Variants in ANKRD26 observed in about 807,000 individuals in gnomAD.
ANKRD26 encodes the protein ankyrin repeat domain 26.
ANKRD26 carries 141 observed loss-of-function variants against 208.7 expected under a neutral mutation model. That is an observed-to-expected ratio of 0.68 (90% CI 0.59 to 0.78). ANKRD26 has a LOEUF of 0.78. Ranked by LOEUF, ANKRD26 falls within the 30% of genes least tolerant of loss-of-function variation. The pLI is 0.00. For missense variants in ANKRD26, 1,889 were observed against 1,938.7 expected, an observed-to-expected ratio of 0.97 and a Z score of 0.48; for synonymous variants, 636 against 660.4, an observed-to-expected ratio of 0.96 and a Z score of 0.57.
chr10:27,098,180 C>T (rs1358399797), intron 1 of ANKRD26, among the ~76,000 whole-genome samples: 3 of 150,010 alleles, frequency 2.0e-5, no homozygotes, highest in African/African-American at 4.9e-5. Flanking sequence ...TCTGCTTTAC[C>T]TTTCATTTTT....
At chr10:27,000,007 T>C (rs2052686202), downstream of ANKRD26, among the ~76,000 whole-genome samples, 1 of 152,120 alleles carries the variant, frequency 6.6e-6, no homozygotes, top group Admixed American at 6.5e-5. Flanking sequence ...CTCAGCTCCT[T>C]ACCTAGCAAT....
intron 5 of ANKRD26, among the ~76,000 whole-genome samples, chr10:26,977,429 C>T (rs1476332307): frequency 3.3e-5 from 5 of 152,162 alleles, no homozygotes; most frequent in Admixed American, 2.0e-4. Context: ...CTTTTTATAT[C>T]GGCTTCTCAG....
At chr10:27,073,291 C>T (rs2055572006) in intron 9 of ANKRD26, among the ~76,000 whole-genome samples, 1 of 152,222 alleles carries the variant, frequency 6.6e-6, no homozygotes, top group African/African-American at 2.4e-5. Flanking sequence ...ACTGCAGACA[C>T]AGCTGGGGCT....
intron 5 of ANKRD26, among the ~76,000 whole-genome samples, chr10:26,977,297 T>C (rs570706060): frequency 6.6e-6 from 1 of 152,310 alleles, no homozygotes; most frequent in African/African-American, 2.4e-5. Context: ...TGAATGTACA[T>C]CTTTATCTAC....
downstream of ANKRD26, among the ~76,000 whole-genome samples, chr10:26,988,032 G>A (rs2052419608): frequency 6.6e-6 from 1 of 152,180 alleles, no homozygotes; most frequent in Non-Finnish European, 1.5e-5. Flanking sequence ...TAGTTAGGGT[G>A]CCCTAAGCCT....
chr10:26,998,528 C>A (rs1166899008), intron 4 of ANKRD26, among the ~76,000 whole-genome samples: 4 of 152,232 alleles, frequency 2.6e-5, no homozygotes, highest in Non-Finnish European at 5.9e-5. Flanking sequence ...TGTGTACCAG[C>A]TGGTAAAGGT....
intron 25 of ANKRD26, among the ~76,000 whole-genome samples, 157 bp from the exon 26 acceptor site, chr10:27,029,513 C>G (rs930673628): frequency 8.5e-5 from 13 of 152,172 alleles, no homozygotes; most frequent in Admixed American, 3.3e-4. Flanking sequence ...TAGAGCTGAT[C>G]TGTTGCAGCA....
At position 27,035,250 on chromosome 10, in the gene ANKRD26, A is replaced by C. The variant is rs1431835411; in HGVS notation, c.3200T>G (p.Phe1067Cys). 1 of 1,613,994 alleles carries C rather than the reference A, an allele frequency of 6.2e-7. No individual in the cohort carries two copies. The highest frequency in any genetic ancestry group is 8.5e-7 in the Non-Finnish European group (1 of 1,179,936). ...GCTATTGAGTTTACTTTCAGTTTTA[A>C]ATAGTTGTTGAGAAAGAATCTCATT... ...DNNEILSQQLFKTESKLNSLE... is the reference protein window; with the variant it reads ...DNNEILSQQLCKTESKLNSLE... Residue 1067 changes from phenylalanine (F) to cysteine (C), a missense_variant, in exon 24 of 34, where the codon TTT (phenylalanine) becomes TGT (cysteine). This residue lies in a region of ANKRD26 where 1,272 missense variants were observed against 1,273.8 expected (regional missense o/e 1.00). Transcript: ENST00000376087.
chr10:27,009,186 T>C lies in ANKRD26; in HGVS notation c.4954-2224A>G, dbSNP rs573168924. Among the ~76,000 whole-genome samples the C allele has an allele frequency of 1.6e-4, 24 of 152,102 alleles. 1 individual carries two copies. The South Asian group carries it at 5.0e-3, about 32-fold the overall frequency. On this transcript the variant is annotated intron_variant, in intron 32 of 33. Coordinates refer to ENST00000376087, the MANE Select transcript of ANKRD26 (RefSeq NM_014915.3). ...TAAATGACAGCTGAGGGCAACTACT[T>C]TTGAGAAAAGGACACCAGGTCAGAC...
At chr10:27,001,095 CA>C (rs1396432324), downstream of ANKRD26, among the ~76,000 whole-genome samples, 1 of 152,156 alleles carries the variant, frequency 6.6e-6, no homozygotes, top group Non-Finnish European at 1.5e-5. Flanking sequence ...AATGCAATTC[CA>C]ATAAAAAATG....
chr10:27,020,521 G>T (rs900688290), intron 29 of ANKRD26, among the ~76,000 whole-genome samples: 1 of 151,546 alleles, frequency 6.6e-6, no homozygotes, highest in Non-Finnish European at 1.5e-5. Context: ...CCATGAGCTC[G>T]GTTTTCTTTT....
chr10:27,010,235 C>G (rs1439826859), intron 32 of ANKRD26, among the ~76,000 whole-genome samples: 1 of 152,094 alleles, frequency 6.6e-6, no homozygotes, highest in Non-Finnish European at 1.5e-5. Context: ...CATGGTTTGG[C>G]AAACCAGTGC....
At chr10:27,029,195 CT>C in intron 26 of ANKRD26, 90 bp downstream of exon 26, 1 of 1,424,004 alleles carries the variant, frequency 7.0e-7, no homozygotes, top group Non-Finnish European at 9.7e-7. Context: ...CACAGATGTA[CT>C]TATGATCATA....
chr10:26,978,160 G>T (rs535567646), intron 5 of ANKRD26, among the ~76,000 whole-genome samples: 1 of 152,072 alleles, frequency 6.6e-6, no homozygotes, highest in Non-Finnish European at 1.5e-5. Flanking sequence ...AGCATCTAAA[G>T]TGTTTGGAGG....
chr10:26,972,198 G>A (rs973777941), downstream of ANKRD26, among the ~76,000 whole-genome samples: 5 of 147,278 alleles, frequency 3.4e-5, no homozygotes, highest in South Asian at 2.1e-4. Flanking sequence ...TCGTGCCACT[G>A]CACTCCAGCC....
chr10:27,099,131 C>T (rs529413539), intron 1 of ANKRD26, among the ~76,000 whole-genome samples: 4 of 152,258 alleles, frequency 2.6e-5, no homozygotes, highest in Admixed American at 2.0e-4. Flanking sequence ...GCTGAGATTA[C>T]AGGCTCCCAC....
At chr10:26,992,066 G>C (rs993637960) in intron 5 of ANKRD26, 20 of 152,270 alleles carry the variant, frequency 1.3e-4, no homozygotes, top group African/African-American at 4.8e-4. Context: ...CTGTTTTAGG[G>C]TAAAGATCTT....
intron 9 of ANKRD26, among the ~76,000 whole-genome samples, chr10:27,070,785 C>A (rs529122362): frequency 2.0e-5 from 3 of 149,864 alleles, no homozygotes; most frequent in Non-Finnish European, 4.5e-5. Flanking sequence ...CTTGACTCAG[C>A]CCCCTGAGTA....
chr10:26,994,523 CG>C (rs2052548741), intron 5 of ANKRD26, among the ~76,000 whole-genome samples: 1 of 151,562 alleles, frequency 6.6e-6, no homozygotes, highest in African/African-American at 2.4e-5. Context: ...ATTTCCCTCT[CG>C]TTTGGGCTAT....
Sources: allele counts gnomAD v4.1 joint callset (sites outside exome capture counted in the v4.1 genomes callset), GRCh38; gene constraint gnomAD v4.1.1; regional missense constraint gnomAD v4.1.1; transcripts MANE v1.5; gene names NCBI Gene and HGNC (gene_info 2026-07-23, HGNC 2026-07-21).